Variants in SYNE2 observed in about 807,000 individuals in gnomAD.
SYNE2 encodes the protein nesprin-2.
In SYNE2, 431 loss-of-function variants were observed where a neutral mutation model predicts 856.3. The observed-to-expected ratio is 0.50, with a 90% CI of 0.47 to 0.55. The LOEUF (loss-of-function observed/expected upper bound fraction) is 0.55. SYNE2 is among the 20% of genes least tolerant of loss of function. The probability of loss-of-function intolerance (pLI) is 0.00; values close to 1 mark genes in which losing one functional copy is unlikely to be tolerated. For synonymous variants in SYNE2, 2,923 were observed against 2,872.3 expected (o/e 1.02, Z -0.56); for missense variants, 8,129 against 8,023.2 (o/e 1.01, Z -0.50).
chr14:64,190,662 C>G (rs772940814), intron 99 of SYNE2: 2 of 699,386 alleles, frequency 2.9e-6, no homozygotes, highest in East Asian at 2.7e-5. Context: ...CATGACTGCC[C>G]CACTACTTGC....
intron 51 of SYNE2, 23 bp downstream of exon 51, chr14:64,065,673 A>C: frequency 6.2e-7 from 1 of 1,612,590 alleles, no homozygotes; most frequent in Middle Eastern, 1.7e-4. Context: ...TTTTCAACAA[A>C]CCATGTAGTT....
At position 64,086,626 on chromosome 14, in the gene SYNE2, G is replaced by C. The variant is rs973838334; in HGVS notation, c.11485-1045G>C. Among the ~76,000 whole-genome samples the C allele has an allele frequency of 2.6e-5, 4 of 151,290 alleles. No homozygotes were observed. The South Asian group carries it at 8.3e-4, about 32-fold the overall frequency. Reference sequence around the variant, plus strand: ...CAACCATAGTGACTATTCAATCCAGGAACATGGTATATCTCTTTATTTCTC... The same window carrying C: ...CAACCATAGTGACTATTCAATCCAGCAACATGGTATATCTCTTTATTTCTC... On this transcript the variant is annotated intron_variant, in intron 57 of 115. Coordinates refer to ENST00000555002, the MANE Select transcript of SYNE2 (RefSeq NM_182914.3).
chr14:63,922,501 TTAAGA>T (rs2095612341), intron 2 of SYNE2, among the ~76,000 whole-genome samples: 1 of 152,158 alleles, frequency 6.6e-6, no homozygotes, highest in Non-Finnish European at 1.5e-5. Flanking sequence ...CAAGTGTTTC[TTAAGA>T]TAGCCATGTG....
intron 94 of SYNE2, among the ~76,000 whole-genome samples, chr14:64,171,977 A>C (rs575719213): frequency 1.3e-4 from 20 of 152,130 alleles, no homozygotes; most frequent in Non-Finnish European, 2.5e-4. Context: ...CAGCCTCCCA[A>C]GTAGCTGGGA....
At position 63,995,721 on chromosome 14, in the gene SYNE2, ATATCTATCCATCTATCTATCTATC is replaced by A. The variant is rs1225274198; in HGVS notation, c.2940+528_2940+551del. Among the ~76,000 whole-genome samples, 734 of 136,974 alleles carry A rather than the reference ATATCTATCCATCTATCTATCTATC, an allele frequency of 5.4e-3. 1 individual carries two copies. The highest frequency in any genetic ancestry group is 0.034 in the Middle Eastern group (9 of 268). 89.9% of individuals were successfully genotyped at this position (136,974 alleles called of 152,430 possible). ...AGTCTCTCTTGCTTTATATAATTCT[ATATCTATCCATCTATCTATCTATC>A]TATCTATCTATCTATCTATCTAGAT... On this transcript the variant is annotated intron_variant, in intron 23 of 115. Coordinates refer to ENST00000555002, the MANE Select transcript of SYNE2 (RefSeq NM_182914.3).
chr14:64,141,209 G>GGTGTGT (rs59705430), intron 80 of SYNE2, 132 bp from the exon 81 acceptor site: 3 of 652,928 alleles, frequency 4.6e-6, no homozygotes, highest in Admixed American at 2.9e-5. Context: ...AGGAAAAAGG[G>GGTGTGT]GTGTGTGTGT....
chr14:64,106,743 AT>A (rs957306990), intron 64 of SYNE2, among the ~76,000 whole-genome samples: 10 of 152,062 alleles, frequency 6.6e-5, no homozygotes, highest in Admixed American at 2.6e-4. Flanking sequence ...ATATTATTTT[AT>A]TTTTTTATGT....
chr14:63,839,290 A>G (rs764267736), intron 1 of SYNE2, among the ~76,000 whole-genome samples: 5 of 152,150 alleles, frequency 3.3e-5, no homozygotes, highest in Non-Finnish European at 7.4e-5. Context: ...TGGCCTCCCA[A>G]AGTGCTGGGA....
At chr14:64,113,161 T>C in intron 65 of SYNE2, 180 bp from the exon 66 acceptor site, 1 of 985,374 alleles carries the variant, frequency 1.0e-6, no homozygotes, top group Non-Finnish European at 1.2e-6. Context: ...CTTGGAAACC[T>C]GTGGCACCAG....
chr14:63,995,328 A>T (rs2096704824), intron 23 of SYNE2, 126 bp downstream of exon 23: 1 of 739,618 alleles, frequency 1.4e-6, no homozygotes, highest in Non-Finnish European at 2.2e-6. Context: ...CTCCCCGGGG[A>T]TGATCACTTC....
At chr14:63,959,930 G>A (rs754660567) in intron 8 of SYNE2, among the ~76,000 whole-genome samples, 4 of 151,876 alleles carry the variant, frequency 2.6e-5, no homozygotes, top group African/African-American at 9.7e-5. Context: ...AATTTCCTCC[G>A]CATAATTGCC....
Position 64,026,640 on chromosome 14 carries a change from A to C in SYNE2, c.6314A>C (p.Glu2105Ala). The stretch of plus-strand genomic sequence containing the variant: ...ATAGAGACCATCATGAAGCAGGCTG[A>C]GAGCAGCGAGGCCCCGCTGGTTCAG... ...ARIETIMKQA[E>A]SSEAPLVQKT... The change falls in exon 42 of 116, where the codon GAG (glutamate) becomes GCG (alanine). Residue 2105 changes from glutamate to alanine, a missense_variant. Around this residue, in one of 3 missense-constraint regions of SYNE2, gnomAD observed 297 missense variants for 380.9 expected, o/e 0.78. Coordinates refer to ENST00000555002, the MANE Select transcript of SYNE2 (RefSeq NM_182914.3). 6.2e-7 allele frequency: 1 copy of C among 1,613,790 alleles called. No individual in the cohort carries two copies. The highest frequency in any genetic ancestry group is 8.5e-7 in the Non-Finnish European group (1 of 1,179,778).
chr14:63,835,381 C>T (rs369451077), intron 1 of SYNE2, among the ~76,000 whole-genome samples: 7 of 152,068 alleles, frequency 4.6e-5, no homozygotes, highest in Admixed American at 6.6e-5. Context: ...TTAAGGTGCC[C>T]GCCTCCACAC....
At position 64,167,212 on chromosome 14, in the gene SYNE2, A is replaced by G; in HGVS notation, c.16606-21A>G. The G allele has an allele frequency of 1.9e-6, 3 of 1,613,924 alleles. No individual in the cohort carries two copies. The South Asian group carries it at 3.3e-5, about 18-fold the overall frequency. On this transcript the variant is annotated intron_variant, in intron 90 of 115. Transcript: ENST00000555002. ...ATCTTATTGGCATCCAAAAACCTGT[A>G]CTTCAATTTTTTAAAAATAGAATCA...
intron 1 of SYNE2, among the ~76,000 whole-genome samples, chr14:63,803,782 G>C (rs570770733): frequency 2.0e-4 from 30 of 152,370 alleles, no homozygotes; most frequent in Admixed American, 1.6e-3. Flanking sequence ...GAGGTGCCGA[G>C]AGCGAGCGAG....
intron 1 of SYNE2, among the ~76,000 whole-genome samples, chr14:63,872,106 A>T (rs1242096355): frequency 6.6e-6 from 1 of 152,128 alleles, no homozygotes; most frequent in Non-Finnish European, 1.5e-5. Context: ...GCCTAATATT[A>T]GTCCTATCAT....
chr14:64,199,728 A>AG (rs201963191), intron 99 of SYNE2, among the ~76,000 whole-genome samples: 2,789 of 151,418 alleles, frequency 0.018, 80 homozygotes, highest in African/African-American at 0.064. Flanking sequence ...AAAAAAAAAA[A>AG]AAAAAAAAGT....
At chr14:63,857,380 G>A (rs1595213030) in intron 1 of SYNE2, among the ~76,000 whole-genome samples, 2 of 152,074 alleles carry the variant, frequency 1.3e-5, no homozygotes, top group South Asian at 4.2e-4. Flanking sequence ...TTCACCCATT[G>A]ATAGACATTT....
In SYNE2 at chr14:64,223,409, A is replaced by G. The variant is rs747564466; in HGVS notation, c.20382+29A>G. On this transcript the variant is annotated intron_variant, in intron 113 of 115. Transcript: ENST00000555002. ...AGTCTACTTGTAGCTTTTAACTGTA[A>G]AGATTGCCGTATTACATGCAGACAG... 5 of 1,611,608 alleles carry G rather than the reference A, an allele frequency of 3.1e-6. No homozygotes were observed. In the South Asian group the frequency reaches 3.3e-5, roughly 11 times the overall value.
Sources: allele counts gnomAD v4.1 joint callset (sites outside exome capture counted in the v4.1 genomes callset), GRCh38; gene constraint gnomAD v4.1.1; regional missense constraint gnomAD v4.1.1; transcripts MANE v1.5; gene names NCBI Gene and HGNC (gene_info 2026-07-23, HGNC 2026-07-21).